KIAA1217: variants seen among roughly 807,000 people sequenced by gnomAD.
KIAA1217 encodes sickle tail protein homolog.
Under a neutral mutation model 163.9 loss-of-function variants are expected in KIAA1217, and 88 were observed. That is an observed-to-expected ratio of 0.54 (90% CI 0.45 to 0.64). The LOEUF is 0.64. Among genes scored for constraint, KIAA1217 ranks in the 30% least tolerant of loss-of-function variants. The pLI, the probability that KIAA1217 is intolerant of heterozygous loss-of-function variation, is 0.00. For missense variants in KIAA1217, 2,372 were observed against 2,475.0 expected, an observed-to-expected ratio of 0.96 and a Z score of 0.88; for synonymous variants, 903 against 923.1, an observed-to-expected ratio of 0.98 and a Z score of 0.39.
intron 1 of KIAA1217, among the ~76,000 whole-genome samples, chr10:23,842,559 A>G (rs760734592): frequency 2.0e-4 from 30 of 152,120 alleles, no homozygotes; most frequent in Non-Finnish European, 3.5e-4. Context: ...TCCATCACTC[A>G]TTTTACCAGT....
In KIAA1217 at chr10:23,790,365, A is replaced by G. The variant is rs575343952; in HGVS notation, c.-321+95131A>G. ...TATACATATGCATATATGCATATAT[A>G]CATATACATATGTATATATACATAT... On this transcript the variant is annotated intron_variant, in intron 1 of 18. Transcript: ENST00000376462. Among the ~76,000 whole-genome samples the G allele has an allele frequency of 7.6e-3, 495 of 65,446 alleles. 116 individuals carry two copies. Among genetic ancestry groups the G allele is most frequent in the African/African-American group, 0.017 (221 of 12,728 alleles). The allele number at this position is 65,446 out of a possible 152,430, so 42.9% of individuals were successfully genotyped here.
At chr10:24,466,962 A>AAT (rs371196617) in intron 5 of KIAA1217, among the ~76,000 whole-genome samples, 43 of 150,604 alleles carry the variant, frequency 2.9e-4, no homozygotes, top group Middle Eastern at 3.5e-3. Context: ...TTCCACAAGC[A>AAT]ATATATATAT....
intron 2 of KIAA1217, among the ~76,000 whole-genome samples, chr10:24,368,129 A>T (rs956932139): frequency 6.6e-6 from 1 of 152,212 alleles, no homozygotes; most frequent in Non-Finnish European, 1.5e-5. Flanking sequence ...CATCATCCCA[A>T]TTCTGATGAG....
At chr10:23,789,713 C>G (rs1388055423) in intron 1 of KIAA1217, among the ~76,000 whole-genome samples, 1 of 151,962 alleles carries the variant, frequency 6.6e-6, no homozygotes, top group Non-Finnish European at 1.5e-5. Flanking sequence ...ATTGCGCTGA[C>G]TCTGAGTTCA....
At chr10:24,044,848 A>T (rs189130414) in intron 2 of KIAA1217, among the ~76,000 whole-genome samples, 1 of 152,162 alleles carries the variant, frequency 6.6e-6, no homozygotes, top group East Asian at 1.9e-4. Flanking sequence ...CCTCCAAAGG[A>T]CTGTATGGTC....
intron 1 of KIAA1217, among the ~76,000 whole-genome samples, chr10:23,741,977 G>T (rs1036575774): frequency 3.9e-5 from 6 of 152,168 alleles, no homozygotes; most frequent in South Asian, 2.1e-4. Flanking sequence ...GATGTAGTTT[G>T]ATTTATTCTT....
At chr10:24,194,071 C>A (rs2130483678) in intron 2 of KIAA1217, among the ~76,000 whole-genome samples, 1 of 152,062 alleles carries the variant, frequency 6.6e-6, no homozygotes, top group African/African-American at 2.4e-5. Flanking sequence ...CCTGTAATCC[C>A]AGCTACTCAG....
chr10:24,364,543 G>A (rs1032641883), intron 2 of KIAA1217, among the ~76,000 whole-genome samples: 5 of 152,118 alleles, frequency 3.3e-5, no homozygotes, highest in African/African-American at 9.7e-5. Context: ...CCTAAAGTTC[G>A]TGAGCTTATT....
intron 2 of KIAA1217, among the ~76,000 whole-genome samples, chr10:24,126,974 C>G (rs917217729): frequency 6.6e-6 from 1 of 152,048 alleles, no homozygotes; most frequent in Admixed American, 6.6e-5. Flanking sequence ...TTTGCTTTCT[C>G]TCTTTCTCTT....
At chr10:24,408,312 C>T (rs2057423863) in intron 3 of KIAA1217, among the ~76,000 whole-genome samples, 2 of 152,128 alleles carry the variant, frequency 1.3e-5, no homozygotes, top group South Asian at 4.1e-4. Flanking sequence ...AAATCATGAG[C>T]TATCAACCCA....
intron 2 of KIAA1217, among the ~76,000 whole-genome samples, chr10:24,244,257 T>G (rs2073479082): frequency 6.6e-6 from 1 of 152,230 alleles, no homozygotes; most frequent in African/African-American, 2.4e-5. Context: ...TCCTCTCGGC[T>G]GGCTACCGGG....
intron 1 of KIAA1217, among the ~76,000 whole-genome samples, chr10:23,717,536 A>G (rs938023459): frequency 3.3e-5 from 5 of 152,168 alleles, no homozygotes; most frequent in Non-Finnish European, 1.5e-5. Flanking sequence ...ACATTGCTGA[A>G]AATACATCCC....
intron 2 of KIAA1217, among the ~76,000 whole-genome samples, chr10:24,311,656 C>T (rs2042711869): frequency 6.6e-6 from 1 of 152,154 alleles, no homozygotes; most frequent in Non-Finnish European, 1.5e-5. Flanking sequence ...TGCTCCCATG[C>T]TGGGCGGTAC....
chr10:24,180,555 C>G (rs1430484063), intron 2 of KIAA1217, among the ~76,000 whole-genome samples: 2 of 152,134 alleles, frequency 1.3e-5, no homozygotes, highest in African/African-American at 4.8e-5. Flanking sequence ...TCATACTCAT[C>G]TCTCTGTAAT....
intron 2 of KIAA1217, among the ~76,000 whole-genome samples, chr10:24,380,147 T>A (rs2053095816): frequency 6.6e-6 from 1 of 152,168 alleles, no homozygotes; most frequent in Non-Finnish European, 1.5e-5. Context: ...ACCAGTTGTG[T>A]TCAATTTACT....
intron 10 of KIAA1217, among the ~76,000 whole-genome samples, chr10:24,519,382 C>T (rs930958797): frequency 6.6e-6 from 1 of 152,148 alleles, no homozygotes; most frequent in African/African-American, 2.4e-5. Flanking sequence ...CCACGTCTGT[C>T]GTCATTTTTA....
chr10:23,765,652 AGT>A (rs777578718), intron 1 of KIAA1217, among the ~76,000 whole-genome samples: 1 of 152,140 alleles, frequency 6.6e-6, no homozygotes, highest in African/African-American at 2.4e-5. Context: ...CATGACCGTG[AGT>A]GAGTTCTCAC....
chr10:23,974,889 C>CCT (rs1845476421), intron 1 of KIAA1217, among the ~76,000 whole-genome samples: 1 of 151,788 alleles, frequency 6.6e-6, no homozygotes, highest in African/African-American at 2.4e-5. Context: ...TCCTTCCCCC[C>CCT]CCCATAGATA....
At position 24,473,627 on chromosome 10, in the gene KIAA1217, G is replaced by A. The variant is rs2063743440; in HGVS notation, c.1246G>A (p.Asp416Asn). Residue 416 changes from aspartate (D) to asparagine (N), a missense_variant, in exon 6 of 21, where the codon GAT becomes AAT. Transcript: ENST00000376454. ...CTCATCCCATGGTGGACACCCACTG[G>A]ATGTCCCCGACCACATCATTGCATA... ...IASSHGGHPLDVPDHIIAYHR... is the reference protein window; with the variant it reads ...IASSHGGHPLNVPDHIIAYHR... 2 of 1,614,022 alleles carry A rather than the reference G, an allele frequency of 1.2e-6. No individual in the cohort carries two copies. Among genetic ancestry groups the A allele is most frequent in the African/African-American group, 1.3e-5 (1 of 74,912 alleles).
Sources: allele counts gnomAD v4.1 joint callset (sites outside exome capture counted in the v4.1 genomes callset), GRCh38; gene constraint gnomAD v4.1.1; transcripts MANE v1.5; gene names NCBI Gene and HGNC (gene_info 2026-07-23, HGNC 2026-07-21).